The following SMARCA2 variants were observed in gnomAD, a reference collection of about 807,000 sequenced individuals.
SMARCA2 encodes the protein SWI/SNF related BAF chromatin remodeling complex subunit ATPase 2.
Under a neutral mutation model 199.8 loss-of-function variants are expected in SMARCA2, and 61 were observed. The ratio of observed to expected loss-of-function variants is 0.31; its 90% CI spans 0.25 to 0.38. The LOEUF (loss-of-function observed/expected upper bound fraction) is 0.38, where lower values mean the gene tolerates loss of function less well. SMARCA2 is among the 10% of genes least tolerant of loss of function. The pLI, the probability that SMARCA2 is intolerant of heterozygous loss-of-function variation, is 1.00. For missense variants in SMARCA2, 1,344 were observed against 2,012.2 expected, an observed-to-expected ratio of 0.67 and a Z score of 6.35; for synonymous variants, 935 against 732.0, an observed-to-expected ratio of 1.28 and a Z score of -4.48.
chr9:2,190,679 G>A (rs557293265), intron 32 of SMARCA2, among the ~76,000 whole-genome samples: 1 of 152,188 alleles, frequency 6.6e-6, no homozygotes, highest in Admixed American at 6.5e-5. Context: ...GTACTTGCAG[G>A]TATGGACATA....
At chr9:2,183,929 C>G (rs1827239165) in intron 31 of SMARCA2, among the ~76,000 whole-genome samples, 1 of 152,130 alleles carries the variant, frequency 6.6e-6, no homozygotes, top group African/African-American at 2.4e-5. Flanking sequence ...TACAACCTTC[C>G]TATCTGTTTT....
At chr9:2,031,937 G>A (rs180750681) in intron 2 of SMARCA2, among the ~76,000 whole-genome samples, 211 of 152,284 alleles carry the variant, frequency 1.4e-3, no homozygotes, top group Middle Eastern at 6.8e-3. Context: ...TACATCTGCT[G>A]TGTTGCTTTG....
rs77981761 is a variant in SMARCA2 at position 2,171,264 on chromosome 9, A to C, written c.4253+792A>C. On this transcript the variant is annotated intron_variant, in intron 29 of 33. Transcript: ENST00000349721. Reference sequence around the variant, plus strand: ...CTGTACTTAAAAAAAAAGTTGATACAGTGCTTTACCATCCATATTTCAATT... The same window carrying C: ...CTGTACTTAAAAAAAAAGTTGATACCGTGCTTTACCATCCATATTTCAATT... 8.7e-3 allele frequency among the ~76,000 whole-genome samples: 1,331 copies of C among 152,302 alleles called. 21 individuals carry two copies. The highest frequency in any genetic ancestry group is 0.03 in the African/African-American group (1,246 of 41,562).
chr9:2,087,199 C>A, intron 18 of SMARCA2, 128 bp downstream of exon 18: 1 of 1,140,816 alleles, frequency 8.8e-7, no homozygotes, highest in Non-Finnish European at 1.3e-6. Context: ...TTTATGAAAC[C>A]CATCGGTGGG....
intron 27 of SMARCA2, among the ~76,000 whole-genome samples, chr9:2,129,288 C>G (rs1393592870): frequency 6.6e-6 from 1 of 152,014 alleles, no homozygotes; most frequent in African/African-American, 2.4e-5. Flanking sequence ...CGTGGTGGCA[C>G]GTGCCTGTAG....
In SMARCA2 at chr9:2,056,574, G is replaced by A. The variant is rs1032993892; in HGVS notation, c.1174-98G>A. Reference sequence around the variant, plus strand: ...ATTGAGAAGCTTGTGGAGATTCCCCGCCCCACTCTATTCCATTAAATGCAA... The same window carrying A: ...ATTGAGAAGCTTGTGGAGATTCCCCACCCCACTCTATTCCATTAAATGCAA... On this transcript the variant is annotated intron_variant, in intron 6 of 33. Transcript: ENST00000349721. This position sits in a 1 kb window ranked among gnomAD's most constrained non-coding sequence, Gnocchi z 4.0. 5.6e-6 allele frequency: 6 copies of A among 1,063,536 alleles called. No individual in the cohort carries two copies. In the East Asian group the frequency reaches 7.9e-5, roughly 14 times the overall value. The allele number at this position is 1,063,536 out of a possible 1,614,324, so 65.9% of individuals were successfully genotyped here.
intron 27 of SMARCA2, among the ~76,000 whole-genome samples, chr9:2,157,383 C>G (rs984643419): frequency 1.3e-5 from 2 of 152,140 alleles, no homozygotes; most frequent in Non-Finnish European, 2.9e-5. Context: ...AACCTGCATT[C>G]TTTAACGCTT....
At chr9:2,116,409 A>G (rs1182259845) in intron 25 of SMARCA2, among the ~76,000 whole-genome samples, 2 of 152,162 alleles carry the variant, frequency 1.3e-5, no homozygotes, top group African/African-American at 4.8e-5. Context: ...CATAAATGGA[A>G]GGGGTCCTCT....
intron 9 of SMARCA2, among the ~76,000 whole-genome samples, chr9:2,067,201 T>G (rs1820882768): frequency 6.6e-6 from 1 of 152,234 alleles, no homozygotes; most frequent in Non-Finnish European, 1.5e-5. Context: ...TTTTAACTAT[T>G]TTATGACTTG....
rs183048819 is a variant in SMARCA2, at chr9:2,189,353, T to A, written c.4595-1913T>A. ...GGGTTTTTTGGAGAGACATATCCAC[T>A]GACGCGTGCCTGACAGCATTAGAGT... is the stretch of plus-strand genomic sequence containing the variant. On this transcript the variant is annotated intron_variant, in intron 32 of 33. Coordinates refer to ENST00000349721, the MANE Select transcript of SMARCA2 (RefSeq NM_003070.5). 1.1e-4 allele frequency among the ~76,000 whole-genome samples: 17 copies of A among 152,250 alleles called. No homozygotes were observed. In the East Asian group the frequency reaches 3.1e-3, roughly 28 times the overall value.
At chr9:2,176,818 A>G (rs1826642629) in intron 29 of SMARCA2, among the ~76,000 whole-genome samples, 2 of 151,472 alleles carry the variant, frequency 1.3e-5, no homozygotes, top group Admixed American at 6.6e-5. Context: ...TCAGCCTCCC[A>G]TAGGGCGGGG....
chr9:2,136,785 T>C (rs1312342206), intron 27 of SMARCA2, among the ~76,000 whole-genome samples: 2 of 152,154 alleles, frequency 1.3e-5, no homozygotes, highest in East Asian at 1.9e-4. Flanking sequence ...TGGAAATTGA[T>C]AGAGATTAAA....
rs1366632338 is a variant in SMARCA2 at position 2,047,274 on chromosome 9, C to A, written c.836C>A (p.Pro279Gln). ...GGCCCGAGCACCCCGCAGAAGCTGC[C>A]GGTGCCCGCGCCCGGCGGCCGGCCC... ...LSGPSTPQKL[P>Q]VPAPGGRPSP... Residue 279 changes from proline to glutamine, a missense_variant, in exon 5 of 34, where the codon CCG (proline) becomes CAG (glutamine). Physicochemically the swap from Pro to Gln is moderately conservative, Grantham distance 76 (BLOSUM62 -1). Coordinates refer to ENST00000349721, the MANE Select transcript of SMARCA2 (RefSeq NM_003070.5). 10 of 1,002,342 alleles carry A rather than the reference C, an allele frequency of 1.0e-5. No homozygotes were observed. Among genetic ancestry groups the A allele is most frequent in the Non-Finnish European group, 1.2e-5 (10 of 842,028 alleles). 62.1% of individuals were successfully genotyped at this position (1,002,342 alleles called of 1,614,324 possible). A position where few individuals can be genotyped will look rare whatever the true frequency, so the allele number is the denominator to read the frequency against.
At chr9:2,157,983 T>C (rs1563810989) in intron 27 of SMARCA2, 1 of 397,430 alleles carries the variant, frequency 2.5e-6, no homozygotes, top group Non-Finnish European at 4.4e-6. Context: ...GCGTTTCCTC[T>C]AGAACAGCTA....
At chr9:2,171,231 C>T (rs1452241089) in intron 29 of SMARCA2, among the ~76,000 whole-genome samples, 4 of 152,122 alleles carry the variant, frequency 2.6e-5, no homozygotes, top group African/African-American at 7.2e-5. Flanking sequence ...TTCTCCATTT[C>T]GGTCAACCTG....
chr9:2,080,475 G>A (rs1453316638), intron 14 of SMARCA2, among the ~76,000 whole-genome samples: 1 of 152,172 alleles, frequency 6.6e-6, no homozygotes, highest in Admixed American at 6.5e-5. Flanking sequence ...ATCCTACAGA[G>A]TATCCAAAAT....
intron 29 of SMARCA2, among the ~76,000 whole-genome samples, chr9:2,180,430 CA>C (rs1218321507): frequency 1.3e-5 from 2 of 152,170 alleles, no homozygotes; most frequent in African/African-American, 4.8e-5. Flanking sequence ...TTTAATTATA[CA>C]ACTGGGACTG....
intron 23 of SMARCA2, among the ~76,000 whole-genome samples, chr9:2,108,177 C>T (rs1822845476): frequency 6.6e-6 from 1 of 152,108 alleles, no homozygotes; most frequent in Non-Finnish European, 1.5e-5. Flanking sequence ...GCGCTCAGGC[C>T]CAGTTTAAGG....
chr9:2,166,283 A>G (rs1342974713), intron 28 of SMARCA2, among the ~76,000 whole-genome samples: 1 of 152,182 alleles, frequency 6.6e-6, no homozygotes, highest in Non-Finnish European at 1.5e-5. Flanking sequence ...TATTCTGATC[A>G]TTAATTACAG....
Sources: gnomAD v4.1 joint callset for allele counts (sites outside exome capture counted in the v4.1 genomes callset) on GRCh38, gnomAD v4.1.1 for gene constraint, Gnocchi (gnomAD v3.1) non-coding constraint, MANE v1.5 for transcripts, NCBI Gene and HGNC (gene_info 2026-07-23, HGNC 2026-07-21) for gene names.